MAML2: variants seen among roughly 807,000 people sequenced by gnomAD.
The protein encoded by MAML2 is mastermind like transcriptional coactivator 2, also known as mastermind-like protein 2.
A neutral mutation model predicts 96.1 loss-of-function variants in MAML2; 22 were observed. The observed-to-expected ratio is 0.23, with a 90% CI of 0.16 to 0.33. The LOEUF is 0.33. MAML2 is among the 10% of genes least tolerant of loss of function. MAML2 has a pLI of 1.00. For missense variants in MAML2, 1,367 were observed against 1,392.4 expected (o/e 0.98, Z 0.29); for synonymous variants, 561 against 521.3 (o/e 1.08, Z -1.04).
At chr11:96,024,202 G>A (rs1401480160) in intron 2 of MAML2, among the ~76,000 whole-genome samples, 1 of 152,222 alleles carries the variant, frequency 6.6e-6, no homozygotes, top group Non-Finnish European at 1.5e-5. Context: ...AAATGAAAGA[G>A]TTGCGATAGT....
rs931151939 is a variant in MAML2 at position 96,271,688 on chromosome 11, G to A, written c.513+69695C>T. On this transcript the variant is annotated intron_variant, in intron 1 of 4. Coordinates refer to ENST00000524717, the MANE Select transcript of MAML2 (RefSeq NM_032427.4). ...CCACCATGATTGTAAGTTCCCTGAG[G>A]CCTCCTCAGCCCTGCTCAACTGTGA... 4.0e-5 allele frequency among the ~76,000 whole-genome samples: 6 copies of A among 151,820 alleles called. No individual in the cohort carries two copies. The East Asian group carries it at 9.7e-4, about 24-fold the overall frequency.
intron 2 of MAML2, among the ~76,000 whole-genome samples, chr11:96,049,594 G>A (rs531996105): frequency 7.2e-5 from 11 of 152,288 alleles, no homozygotes; most frequent in East Asian, 5.8e-4. Context: ...ATAGCTGAGC[G>A]ACCGTGGGCA....
intron 1 of MAML2, among the ~76,000 whole-genome samples, chr11:96,155,509 A>AATACATACATATATATATATAT (rs541216405): frequency 1.3e-5 from 1 of 74,848 alleles, no homozygotes; most frequent in Non-Finnish European, 2.5e-5. Context: ...TAACAATTCA[A>AATACATACATATATATATATAT]ATATATATAT....
chr11:96,189,609 C>T, intron 1 of MAML2, among the ~76,000 whole-genome samples: 1 of 152,218 alleles, frequency 6.6e-6, no homozygotes. Flanking sequence ...CAGATTTACT[C>T]ATTCATGTCA....
intron 1 of MAML2, among the ~76,000 whole-genome samples, chr11:96,317,118 A>G (rs1043645322): frequency 6.6e-6 from 1 of 151,954 alleles, no homozygotes; most frequent in Non-Finnish European, 1.5e-5. Context: ...GCTTGCATTC[A>G]CTGAAATGGT....
rs1315360623 is a variant in MAML2 at position 96,134,730 on chromosome 11, C to G, written c.514-41213G>C. Among the ~76,000 whole-genome samples, 5 of 152,322 alleles carry G rather than the reference C, an allele frequency of 3.3e-5. 1 individual carries two copies. Among genetic ancestry groups the G allele is most frequent in the Admixed American group, 3.3e-4 (5 of 15,290 alleles). On this transcript the variant is annotated intron_variant, in intron 1 of 4. Transcript: ENST00000524717. ...AGTGGCATGTTTCAACTAATCCAGCCAGTATTGCTTTTATTTCCTCAAGCT... is the reference window on the plus strand; with the variant it reads ...AGTGGCATGTTTCAACTAATCCAGCGAGTATTGCTTTTATTTCCTCAAGCT...
At chr11:96,247,427 A>C (rs1862526189) in intron 1 of MAML2, among the ~76,000 whole-genome samples, 2 of 152,098 alleles carry the variant, frequency 1.3e-5, no homozygotes. Flanking sequence ...CACAAGCATA[A>C]AGCCTAGATC....
At chr11:96,154,112 A>T (rs1225515510) in intron 1 of MAML2, among the ~76,000 whole-genome samples, 1 of 152,110 alleles carries the variant, frequency 6.6e-6, no homozygotes, top group Non-Finnish European at 1.5e-5. Context: ...GAGAAGGAGG[A>T]CTACTTTAAC....
intron 1 of MAML2, among the ~76,000 whole-genome samples, chr11:96,111,125 A>G (rs376186507): frequency 8.5e-5 from 13 of 152,346 alleles, no homozygotes; most frequent in East Asian, 3.9e-4. Flanking sequence ...CTCTGCATCA[A>G]TTGAGACCAT....
At chr11:96,129,405 C>T (rs1331064930) in intron 1 of MAML2, among the ~76,000 whole-genome samples, 2 of 152,140 alleles carry the variant, frequency 1.3e-5, no homozygotes, top group South Asian at 2.1e-4. Context: ...TAACAAGTTT[C>T]CATGTGATGC....
chr11:96,317,835 A>G (rs1406040419), intron 1 of MAML2, among the ~76,000 whole-genome samples: 1 of 151,816 alleles, frequency 6.6e-6, no homozygotes, highest in Non-Finnish European at 1.5e-5. Flanking sequence ...CTGACAGATG[A>G]CTTATTTGCA....
chr11:96,256,649 G>A (rs1315810153), intron 1 of MAML2, among the ~76,000 whole-genome samples: 3 of 152,154 alleles, frequency 2.0e-5, no homozygotes, highest in African/African-American at 4.8e-5. Flanking sequence ...AGTTCATGAG[G>A]TTAGGAACTG....
At chr11:96,327,421 CTTTTA>C (rs1024221237) in intron 1 of MAML2, among the ~76,000 whole-genome samples, 1 of 151,996 alleles carries the variant, frequency 6.6e-6, no homozygotes, top group Non-Finnish European at 1.5e-5. Flanking sequence ...TTCCCATACA[CTTTTA>C]TTTTATTTAT....
At chr11:96,071,902 C>T (rs150473380) in intron 2 of MAML2, among the ~76,000 whole-genome samples, 1 of 152,138 alleles carries the variant, frequency 6.6e-6, no homozygotes, top group Non-Finnish European at 1.5e-5. Context: ...GAAAAATCAC[C>T]CCTTAAGGCA....
At chr11:96,189,932 G>A (rs893961890) in intron 1 of MAML2, among the ~76,000 whole-genome samples, 1 of 152,100 alleles carries the variant, frequency 6.6e-6, no homozygotes, top group Non-Finnish European at 1.5e-5. Context: ...AAGAATCTAG[G>A]ATTGTATATG....
At chr11:96,080,328 A>C (rs1175005595) in intron 2 of MAML2, among the ~76,000 whole-genome samples, 2 of 152,170 alleles carry the variant, frequency 1.3e-5, no homozygotes, top group Non-Finnish European at 2.9e-5. Flanking sequence ...AAAATGATGA[A>C]AGTGGTTTCC....
intron 1 of MAML2, among the ~76,000 whole-genome samples, chr11:96,168,171 C>T (rs985241462): frequency 1.3e-5 from 2 of 152,148 alleles, no homozygotes; most frequent in African/African-American, 2.4e-5. Context: ...CTTTGGTTTG[C>T]TCCTCCGTTG....
At chr11:96,227,882 G>A (rs1053109798) in intron 1 of MAML2, among the ~76,000 whole-genome samples, 10 of 152,128 alleles carry the variant, frequency 6.6e-5, no homozygotes, top group African/African-American at 1.9e-4. Flanking sequence ...CAAGCAGATC[G>A]CTTCAGCCCA....
chr11:95,987,155 A>G (rs1384646331), intron 3 of MAML2, among the ~76,000 whole-genome samples: 1 of 152,220 alleles, frequency 6.6e-6, no homozygotes, highest in East Asian at 1.9e-4. Context: ...TGAATAAAGA[A>G]GTAGCTATCA....
Sources: allele counts gnomAD v4.1 joint callset (sites outside exome capture counted in the v4.1 genomes callset), GRCh38; gene constraint gnomAD v4.1.1; transcripts MANE v1.5; gene names NCBI Gene and HGNC (gene_info 2026-07-23, HGNC 2026-07-21).